The following FRYL variants were observed in gnomAD, a reference collection of about 807,000 sequenced individuals.
The protein encoded by FRYL is protein furry homolog-like.
A neutral mutation model predicts 351.2 loss-of-function variants in FRYL; 150 were observed. That is an observed-to-expected ratio of 0.43 (90% confidence interval 0.37 to 0.49). The LOEUF is 0.49. Among genes scored for constraint, FRYL ranks in the 20% least tolerant of loss-of-function variants. The probability of loss-of-function intolerance (pLI) is 0.00; values close to 1 mark genes in which losing one functional copy is unlikely to be tolerated. For synonymous variants in FRYL, 1,153 were observed against 1,257.1 expected (o/e 0.92, Z 1.75); for missense variants, 3,036 against 3,619.3 (o/e 0.84, Z 4.13).
intron 4 of FRYL, among the ~76,000 whole-genome samples, chr4:48,625,747 A>G (rs1279677321): frequency 1.3e-5 from 2 of 152,284 alleles, no homozygotes; most frequent in South Asian, 2.1e-4. Context: ...CAACTGTATT[A>G]GAATATTGTG....
intron 4 of FRYL, 123 bp from the exon 5 acceptor site, chr4:48,623,302 C>T: frequency 1.7e-6 from 1 of 585,036 alleles, no homozygotes; most frequent in Non-Finnish European, 2.9e-6. Context: ...TCACTTGTTA[C>T]TAGATTGTTT....
At chr4:48,614,342 C>G (rs1748889217) in intron 7 of FRYL, among the ~76,000 whole-genome samples, 1 of 152,136 alleles carries the variant, frequency 6.6e-6, no homozygotes, top group South Asian at 2.1e-4. Context: ...CCATCTTTAG[C>G]AACAAGAATT....
chr4:48,722,431 C>T (rs1414931036), intron 1 of FRYL, among the ~76,000 whole-genome samples: 2 of 152,180 alleles, frequency 1.3e-5, no homozygotes, highest in Non-Finnish European at 2.9e-5. Context: ...ATACACACTA[C>T]TGACTTTCTC....
chr4:48,737,529 G>A (rs181499133), intron 1 of FRYL, among the ~76,000 whole-genome samples: 72 of 152,156 alleles, frequency 4.7e-4, no homozygotes, highest in African/African-American at 1.6e-3. Context: ...CACATTCACT[G>A]GTGAATTCTA....
intron 3 of FRYL, among the ~76,000 whole-genome samples, chr4:48,684,087 G>C (rs892000584): frequency 1.3e-5 from 2 of 152,098 alleles, no homozygotes; most frequent in African/African-American, 4.8e-5. Flanking sequence ...AGAGAGCAAG[G>C]GGTTAAGGTA....
At chr4:48,686,142 C>A (rs1029875323) in intron 2 of FRYL, among the ~76,000 whole-genome samples, 1 of 152,102 alleles carries the variant, frequency 6.6e-6, no homozygotes, top group Non-Finnish European at 1.5e-5. Flanking sequence ...ATTAGTTTTT[C>A]TCTTTAATTA....
At chr4:48,749,903 C>G (rs8180342) in intron 1 of FRYL, among the ~76,000 whole-genome samples, 7,057 of 152,160 alleles carry the variant, frequency 0.046, 304 homozygotes, top group East Asian at 0.23. Flanking sequence ...GAGGTCAAAG[C>G]AGGAGGACCA....
intron 3 of FRYL, among the ~76,000 whole-genome samples, chr4:48,674,532 T>A (rs1186239074): frequency 6.6e-6 from 1 of 151,526 alleles, no homozygotes; most frequent in African/African-American, 2.4e-5. Context: ...GGTCAGGAGA[T>A]AGAGACCATC....
chr4:48,580,328 G>C (rs773070277), intron 22 of FRYL: 1 of 152,170 alleles, frequency 6.6e-6, no homozygotes, highest in Non-Finnish European at 1.5e-5. Flanking sequence ...AAGAAAGTTT[G>C]CATAAACTTT....
At chr4:48,568,476 G>A (rs1737368043) in intron 27 of FRYL, among the ~76,000 whole-genome samples, 1 of 152,112 alleles carries the variant, frequency 6.6e-6, no homozygotes, top group South Asian at 2.1e-4. Flanking sequence ...AACAATAAGT[G>A]CTATATAAAT....
Position 48,675,934 on chromosome 4 carries a change from G to A in FRYL, c.-81+8739C>T, listed in dbSNP as rs999299494. Among the ~76,000 whole-genome samples the A allele has an allele frequency of 1.5e-4, 23 of 152,236 alleles. 1 individual carries two copies. The highest frequency in any genetic ancestry group is 5.5e-4 in the African/African-American group (23 of 41,460). On this transcript the variant is annotated intron_variant, in intron 3 of 63. Coordinates refer to ENST00000358350, the MANE Select transcript of FRYL (RefSeq NM_015030.2). ...GCACCCTGTGTTTAGCTCAAGGTTT[G>A]TGAGTGCACCAATCAACACTCTGTA...
chr4:48,775,964 C>T (rs541812901), intron 1 of FRYL, among the ~76,000 whole-genome samples: 1 of 151,502 alleles, frequency 6.6e-6, no homozygotes, highest in Admixed American at 6.6e-5. Flanking sequence ...GATTAGTTTT[C>T]CCCACTCCCA....
intron 1 of FRYL, among the ~76,000 whole-genome samples, chr4:48,712,270 G>A (rs992969765): frequency 2.6e-5 from 4 of 152,136 alleles, no homozygotes; most frequent in East Asian, 1.9e-4. Flanking sequence ...AAACTACTCC[G>A]AGATACAGGA....
chr4:48,700,052 T>C (rs1766574436), intron 2 of FRYL, among the ~76,000 whole-genome samples: 1 of 152,202 alleles, frequency 6.6e-6, no homozygotes, highest in African/African-American at 2.4e-5. Context: ...AGCACTGCAC[T>C]AGGCAGTGAG....
In FRYL at chr4:48,684,663, A is replaced by T. The variant is rs969613036; in HGVS notation, c.-81+10T>A. The T allele has an allele frequency of 6.6e-6, 1 of 152,240 alleles. No individual in the cohort carries two copies. The highest frequency in any genetic ancestry group is 1.5e-5 in the Non-Finnish European group (1 of 68,040). 9.4% of individuals were successfully genotyped at this position (152,240 alleles called of 1,614,324 possible). On this transcript the variant is annotated intron_variant, in intron 3 of 63. Transcript: ENST00000358350. The stretch of plus-strand genomic sequence containing the variant: ...CTATTTAGCCTTGAGAATATTTACT[A>T]TAATCTTACCGTATCACTTGAGACA...
chr4:48,765,395 A>C (rs1453107487), intron 1 of FRYL, among the ~76,000 whole-genome samples: 1 of 152,170 alleles, frequency 6.6e-6, no homozygotes, highest in Non-Finnish European at 1.5e-5. Flanking sequence ...AAAATGTACA[A>C]GGGGGAAAGG....
In FRYL at chr4:48,567,867, G is replaced by A. The variant is rs1162659000; in HGVS notation, c.2997-447C>T. Among the ~76,000 whole-genome samples, 1 of 152,160 alleles carries A rather than the reference G, an allele frequency of 6.6e-6. No homozygotes were observed. Among genetic ancestry groups the A allele is most frequent in the Admixed American group, 6.5e-5 (1 of 15,288 alleles). On this transcript the variant is annotated intron_variant, in intron 27 of 63. Transcript: ENST00000358350. This position sits in a 1 kb window ranked among gnomAD's most constrained non-coding sequence, Gnocchi z 4.2. ...CTATTAGTCACTTAGTAACATTCTG[G>A]GATAGGTATTATCAGGGATGCAAAA...
chr4:48,773,316 C>T (rs1775704960), intron 1 of FRYL, among the ~76,000 whole-genome samples: 1 of 152,158 alleles, frequency 6.6e-6, no homozygotes, highest in African/African-American at 2.4e-5. Context: ...TACCAAGTCA[C>T]TAGCAATATG....
chr4:48,713,053 C>A (rs1768287676), intron 1 of FRYL, among the ~76,000 whole-genome samples: 1 of 152,074 alleles, frequency 6.6e-6, no homozygotes. Flanking sequence ...ACCACCAGGC[C>A]TGCCCTAGAA....
Sources: allele counts gnomAD v4.1 joint callset (sites outside exome capture counted in the v4.1 genomes callset), GRCh38; gene constraint gnomAD v4.1.1; non-coding constraint Gnocchi (gnomAD v3.1); transcripts MANE v1.5; gene names NCBI Gene and HGNC (gene_info 2026-07-23, HGNC 2026-07-21).